COL22A1: variants seen among roughly 807,000 people sequenced by gnomAD.
The protein encoded by COL22A1 is collagen alpha-1(XXII) chain.
In COL22A1, 221 loss-of-function variants were observed where a neutral mutation model predicts 248.9. That is an observed-to-expected ratio of 0.89 (90% CI 0.80 to 0.99). The LOEUF (loss-of-function observed/expected upper bound fraction) is 0.99. COL22A1 is among the 50% of genes least tolerant of loss of function. COL22A1 has a pLI of 0.00. For missense variants in COL22A1, 2,240 were observed against 2,179.0 expected, an observed-to-expected ratio of 1.03 and a Z score of -0.56; for synonymous variants, 891 against 793.4, an observed-to-expected ratio of 1.12 and a Z score of -2.07.
intron 1 of COL22A1, among the ~76,000 whole-genome samples, chr8:138,885,137 G>C (rs1649361091): frequency 6.6e-6 from 1 of 152,180 alleles, no homozygotes; most frequent in East Asian, 1.9e-4. Context: ...CCTACTGCAG[G>C]GTCACCCTCC....
chr8:138,888,783 C>T (rs1356936671), intron 1 of COL22A1, among the ~76,000 whole-genome samples: 1 of 152,176 alleles, frequency 6.6e-6, no homozygotes, highest in Non-Finnish European at 1.5e-5. Flanking sequence ...GATCGCCCAG[C>T]CCTCTCATGC....
chr8:138,804,558 AGGT>A (rs1817298690), intron 10 of COL22A1, among the ~76,000 whole-genome samples: 1 of 152,142 alleles, frequency 6.6e-6, no homozygotes, highest in Non-Finnish European at 1.5e-5. Flanking sequence ...CCGAGAATCG[AGGT>A]GACTTCTCAG....
At chr8:138,840,257 T>C (rs771504427) in intron 4 of COL22A1, among the ~76,000 whole-genome samples, 16 of 152,198 alleles carry the variant, frequency 1.1e-4, no homozygotes, top group Middle Eastern at 3.4e-3. Flanking sequence ...TGGTTATAAT[T>C]AGAGGAGACG....
rs537581189 is a variant in COL22A1, at chr8:138,708,181, G to T, written c.2518-4834C>A. On this transcript the variant is annotated intron_variant, in intron 30 of 64. Transcript: ENST00000303045. ...AACATTCCATGCTCATGGATAGGAA[G>T]AATCAATATTGTGAAAATGGCCATA... is the stretch of plus-strand genomic sequence containing the variant. Among the ~76,000 whole-genome samples the T allele has an allele frequency of 2.0e-5, 3 of 152,206 alleles. No individual in the cohort carries two copies. The East Asian group carries it at 5.8e-4, about 29-fold the overall frequency.
At chr8:138,844,671 C>A (rs1164829462) in intron 3 of COL22A1, among the ~76,000 whole-genome samples, 1 of 151,692 alleles carries the variant, frequency 6.6e-6, no homozygotes, top group East Asian at 2.0e-4. Context: ...ATGCACATGT[C>A]CGGGCGCGGT....
In COL22A1 at chr8:138,589,139, AAAG is replaced by A; in HGVS notation, c.*111_*113del. 1.0e-6 allele frequency: 1 copy of A among 986,670 alleles called. No individual in the cohort carries two copies. Among genetic ancestry groups the A allele is most frequent in the Non-Finnish European group, 1.5e-6 (1 of 670,262 alleles). 61.1% of individuals were successfully genotyped at this position (986,670 alleles called of 1,614,324 possible). On this transcript the variant is annotated 3_prime_UTR_variant, in exon 65 of 65. Coordinates refer to ENST00000303045, the MANE Select transcript of COL22A1 (RefSeq NM_152888.3). ...TAAAACAAAAAGCAAACGATAAAAG[AAAG>A]AAAAAAAAAAGGAACACATGGCTGA...
intron 1 of COL22A1, among the ~76,000 whole-genome samples, chr8:138,900,228 A>G (rs1419157078): frequency 1.3e-5 from 2 of 152,224 alleles, no homozygotes; most frequent in African/African-American, 4.8e-5. Flanking sequence ...GTCACTCTAT[A>G]GAATGGCAGT....
At chr8:138,681,427 G>A (rs1192372705) in intron 39 of COL22A1, among the ~76,000 whole-genome samples, 1 of 152,066 alleles carries the variant, frequency 6.6e-6, no homozygotes, top group Non-Finnish European at 1.5e-5. Context: ...GGGGAAAAAA[G>A]GTCTCCTACT....
intron 4 of COL22A1, 44 bp downstream of exon 4, chr8:138,844,040 T>C: frequency 6.4e-7 from 1 of 1,562,344 alleles, no homozygotes; most frequent in East Asian, 2.2e-5. Context: ...GCTCAGCAAA[T>C]CATACACCAA....
chr8:138,884,735 T>G (rs1242428166), intron 1 of COL22A1, among the ~76,000 whole-genome samples: 2 of 152,108 alleles, frequency 1.3e-5, no homozygotes, highest in African/African-American at 4.8e-5. Context: ...GGACCAGGGC[T>G]AGGAGGGGTT....
intron 8 of COL22A1, among the ~76,000 whole-genome samples, chr8:138,812,209 A>T (rs1409706894): frequency 6.6e-6 from 1 of 151,882 alleles, no homozygotes; most frequent in Non-Finnish European, 1.5e-5. Context: ...TCTTCATCCC[A>T]TTCTGTTCTT....
intron 7 of COL22A1, among the ~76,000 whole-genome samples, chr8:138,820,303 G>T (rs1818999440): frequency 6.6e-6 from 1 of 152,186 alleles, no homozygotes; most frequent in Non-Finnish European, 1.5e-5. Context: ...GGCAGTGGGG[G>T]ATGCTCTTGG....
At chr8:138,755,615 T>G in intron 19 of COL22A1, 104 bp from the exon 20 acceptor site, 1 of 1,398,684 alleles carries the variant, frequency 7.1e-7, no homozygotes, top group Non-Finnish European at 1.0e-6. Context: ...CATGCTGTCA[T>G]GTCGTGCCTC....
Position 138,796,835 on chromosome 8 carries a change from C to G in COL22A1, c.1580G>C (p.Gly527Ala). 6.2e-7 allele frequency: 1 copy of G among 1,602,316 alleles called. No individual in the cohort carries two copies. The highest frequency in any genetic ancestry group is 8.6e-7 in the Non-Finnish European group (1 of 1,169,386). The change falls in exon 12 of 65, where the codon GGG becomes GCG. Residue 527 changes from glycine (G) to alanine (A), a missense_variant. Coordinates refer to ENST00000303045, the MANE Select transcript of COL22A1 (RefSeq NM_152888.3). ...GDVGIGPFGQ[G>A]EKGEKGSLGL... ...GATGCTTACCTTTTCACCCTTTTCCCCTTGGCCAAAAGGTCCTATGCCCTA... is the reference window on the plus strand; with the variant it reads ...GATGCTTACCTTTTCACCCTTTTCCGCTTGGCCAAAAGGTCCTATGCCCTA...
intron 25 of COL22A1, among the ~76,000 whole-genome samples, chr8:138,723,414 C>A (rs534031728): frequency 5.9e-5 from 9 of 152,184 alleles, no homozygotes; most frequent in Non-Finnish European, 1.3e-4. Flanking sequence ...TGACCAGGAG[C>A]AAATGCCAAG....
intron 3 of COL22A1, among the ~76,000 whole-genome samples, chr8:138,845,876 T>A (rs1439496853): frequency 1.3e-5 from 2 of 152,156 alleles, no homozygotes; most frequent in African/African-American, 4.8e-5. Context: ...GCCCTGCCCA[T>A]GAAGCAATTT....
At position 138,826,680 on chromosome 8, in the gene COL22A1, A is replaced by G. The variant is rs1236664470; in HGVS notation, c.947T>C (p.Ile316Thr). The G allele has an allele frequency of 6.2e-7, 1 of 1,614,016 alleles. No individual in the cohort carries two copies. ...RKEDWYIWQV[I>T]DQYSIPQVSI... is the part of the protein sequence containing the mutation. ...TACCTGTGGGATGCTGTACTGGTCG[A>G]TGACCTGCCAGATATACCAGTCTTC... Residue 316 changes from isoleucine (I) to threonine (T), a missense_variant, in exon 6 of 65, where the codon ATC (isoleucine) becomes ACC (threonine). Transcript: ENST00000303045.
chr8:138,858,832 G>GC (rs1425640944), intron 3 of COL22A1, among the ~76,000 whole-genome samples: 3 of 152,146 alleles, frequency 2.0e-5, no homozygotes, highest in African/African-American at 7.2e-5. Flanking sequence ...GTGGCACATC[G>GC]CAAGTGTATC....
intron 57 of COL22A1, among the ~76,000 whole-genome samples, chr8:138,607,646 C>T (rs796595072): frequency 6.6e-6 from 1 of 152,088 alleles, no homozygotes; most frequent in African/African-American, 2.4e-5. Context: ...AACTTCTACC[C>T]TACAACTTTG....
Sources: allele counts gnomAD v4.1 joint callset (sites outside exome capture counted in the v4.1 genomes callset), GRCh38; gene constraint gnomAD v4.1.1; transcripts MANE v1.5; gene names NCBI Gene and HGNC (gene_info 2026-07-23, HGNC 2026-07-21).